SEMA5A: variants seen among roughly 807,000 people sequenced by gnomAD.
SEMA5A encodes semaphorin-5A.
Under a neutral mutation model 135.5 loss-of-function variants are expected in SEMA5A, and 55 were observed. The observed-to-expected ratio is 0.41, with a 90% confidence interval of 0.33 to 0.51. SEMA5A has a LOEUF of 0.51. SEMA5A is among the 20% of genes least tolerant of loss of function. The pLI is 0.37. For synonymous variants in SEMA5A, 580 were observed against 546.5 expected, an observed-to-expected ratio of 1.06 and a Z score of -0.85; for missense variants, 1,290 against 1,419.9, an observed-to-expected ratio of 0.91 and a Z score of 1.47.
intron 6 of SEMA5A, among the ~76,000 whole-genome samples, chr5:9,235,815 G>C (rs1169609450): frequency 6.6e-6 from 1 of 152,150 alleles, no homozygotes; most frequent in Non-Finnish European, 1.5e-5. Context: ...AGAAAGAGTT[G>C]AGAAAAAGCA....
At chr5:9,507,795 G>A (rs935920723) in intron 1 of SEMA5A, among the ~76,000 whole-genome samples, 81 of 152,196 alleles carry the variant, frequency 5.3e-4, no homozygotes, top group Non-Finnish European at 9.3e-4. Flanking sequence ...ACGAGGTCAG[G>A]AGATCGAGAC....
At chr5:9,179,706 T>A (rs903575207) in intron 11 of SEMA5A, among the ~76,000 whole-genome samples, 4 of 152,194 alleles carry the variant, frequency 2.6e-5, no homozygotes, top group Non-Finnish European at 5.9e-5. Flanking sequence ...ACACTATTTT[T>A]TCATTTTAAT....
intron 12 of SEMA5A, among the ~76,000 whole-genome samples, chr5:9,147,275 T>A (rs1742389023): frequency 6.6e-6 from 1 of 152,146 alleles, no homozygotes; most frequent in Non-Finnish European, 1.5e-5. Flanking sequence ...AGAACCAATG[T>A]CTTTTTCCTT....
At chr5:9,155,038 C>A (rs149839156) in intron 11 of SEMA5A, among the ~76,000 whole-genome samples, 1 of 152,138 alleles carries the variant, frequency 6.6e-6, no homozygotes. Context: ...GAAAGAAAGA[C>A]CCTCAAGGGA....
chr5:9,424,314 TC>T (rs1340438868), intron 2 of SEMA5A, among the ~76,000 whole-genome samples: 1 of 152,182 alleles, frequency 6.6e-6, no homozygotes, highest in Non-Finnish European at 1.5e-5. Flanking sequence ...TTGAATGAAA[TC>T]CCTCAAGAGG....
At chr5:9,524,446 C>G (rs903627984) in intron 1 of SEMA5A, among the ~76,000 whole-genome samples, 2 of 152,120 alleles carry the variant, frequency 1.3e-5, no homozygotes, top group African/African-American at 4.8e-5. Flanking sequence ...ATAGACACTC[C>G]ACACTGGAAT....
chr5:9,105,477 A>G (rs1470735102), intron 16 of SEMA5A, among the ~76,000 whole-genome samples: 1 of 152,240 alleles, frequency 6.6e-6, no homozygotes, highest in Non-Finnish European at 1.5e-5. Flanking sequence ...TACTTTCCAC[A>G]AACATATTCT....
intron 5 of SEMA5A, among the ~76,000 whole-genome samples, chr5:9,244,810 G>T (rs1172566646): frequency 6.6e-6 from 1 of 152,188 alleles, no homozygotes; most frequent in Non-Finnish European, 1.5e-5. Flanking sequence ...CTGGTTGGGT[G>T]AGCCTACCAC....
At chr5:9,524,136 T>G (rs630768) in intron 1 of SEMA5A, among the ~76,000 whole-genome samples, 51,776 of 151,940 alleles carry the variant, frequency 0.34, 9,015 homozygotes, top group East Asian at 0.41. Flanking sequence ...AAAGTATAGT[T>G]CTTCTCCCTT....
In SEMA5A at chr5:9,204,828, C is replaced by G. The variant is rs929035216; in HGVS notation, c.647-2588G>C. On this transcript the variant is annotated intron_variant, in intron 8 of 22. Coordinates refer to ENST00000382496, the MANE Select transcript of SEMA5A (RefSeq NM_003966.3). This position sits in a 1 kb window ranked among gnomAD's most constrained non-coding sequence, Gnocchi z 6.4. ...CAAATGAATGTTACCTCCTGAGCTC[C>G]GCCTCCCGTCAGATCAGTGGCAGCA... Among the ~76,000 whole-genome samples, 4 of 152,136 alleles carry G rather than the reference C, an allele frequency of 2.6e-5. No homozygotes were observed. Among genetic ancestry groups the G allele is most frequent in the African/African-American group, 9.7e-5 (4 of 41,416 alleles).
At chr5:9,148,231 A>C (rs1281151247) in intron 12 of SEMA5A, among the ~76,000 whole-genome samples, 1 of 152,230 alleles carries the variant, frequency 6.6e-6, no homozygotes, top group Non-Finnish European at 1.5e-5. Flanking sequence ...GAAATACCTA[A>C]TTTTCTAAAT....
intron 4 of SEMA5A, among the ~76,000 whole-genome samples, chr5:9,323,700 C>T (rs796711167): frequency 1.6e-4 from 20 of 124,276 alleles, no homozygotes; most frequent in African/African-American, 3.8e-4. Flanking sequence ...CTTGCTTCTT[C>T]GCCCAGGCTG....
chr5:9,331,951 A>G (rs1370468308), intron 4 of SEMA5A, among the ~76,000 whole-genome samples: 1 of 152,280 alleles, frequency 6.6e-6, no homozygotes, highest in Non-Finnish European at 1.5e-5. Flanking sequence ...ATACATTTAT[A>G]CAGACATATC....
chr5:9,409,488 T>G (rs1757023917), intron 2 of SEMA5A, among the ~76,000 whole-genome samples: 1 of 152,190 alleles, frequency 6.6e-6, no homozygotes, highest in Non-Finnish European at 1.5e-5. Flanking sequence ...TCCACCTCTC[T>G]CTGTACATCC....
At chr5:9,047,838 AC>A (rs1457576086) in intron 21 of SEMA5A, among the ~76,000 whole-genome samples, 2 of 152,176 alleles carry the variant, frequency 1.3e-5, no homozygotes, top group Admixed American at 1.3e-4. Context: ...CTCTGATTTA[AC>A]CAATAGCATC....
chr5:9,536,966 T>C (rs760111611), intron 1 of SEMA5A, among the ~76,000 whole-genome samples: 37 of 152,184 alleles, frequency 2.4e-4, no homozygotes, highest in Non-Finnish European at 4.4e-4. Flanking sequence ...TTCGAGGCCC[T>C]TCCCTAGCTT....
At chr5:9,359,015 C>T (rs895404387) in intron 3 of SEMA5A, among the ~76,000 whole-genome samples, 2 of 152,168 alleles carry the variant, frequency 1.3e-5, no homozygotes, top group African/African-American at 4.8e-5. Context: ...AAGGTGAGCA[C>T]ATACATGTTA....
At position 9,292,847 on chromosome 5, in the gene SEMA5A, T is replaced by C. The variant is rs542602006; in HGVS notation, c.270+25525A>G. ...AGACAGCTTTGGTTGTCATTACTAG[T>C]ATGTGTGGGGTGTGCTACTGGCATC... is the stretch of plus-strand genomic sequence containing the variant. On this transcript the variant is annotated intron_variant, in intron 5 of 22. Coordinates refer to ENST00000382496, the MANE Select transcript of SEMA5A (RefSeq NM_003966.3). 4.6e-5 allele frequency among the ~76,000 whole-genome samples: 7 copies of C among 152,282 alleles called. No individual in the cohort carries two copies. The East Asian group carries it at 1.4e-3, about 29-fold the overall frequency.
intron 12 of SEMA5A, among the ~76,000 whole-genome samples, chr5:9,139,198 A>G (rs953847725): frequency 5.3e-5 from 8 of 152,226 alleles, no homozygotes; most frequent in Middle Eastern, 3.2e-3. Flanking sequence ...TAATTGTACT[A>G]GTTTACATTC....
Sources: gnomAD v4.1 joint callset for allele counts (sites outside exome capture counted in the v4.1 genomes callset) on GRCh38, gnomAD v4.1.1 for gene constraint, Gnocchi (gnomAD v3.1) non-coding constraint, MANE v1.5 for transcripts, NCBI Gene and HGNC (gene_info 2026-07-23, HGNC 2026-07-21) for gene names.